CCDC68: variants seen among roughly 807,000 people sequenced by gnomAD.
CCDC68 encodes the protein coiled-coil domain-containing protein 68.
Under a neutral mutation model 47.1 loss-of-function variants are expected in CCDC68, and 45 were observed. The ratio of observed to expected loss-of-function variants is 0.96; its 90% CI spans 0.75 to 1.23. The LOEUF (loss-of-function observed/expected upper bound fraction) is 1.23. Ranked by LOEUF, CCDC68 falls within the 50% of genes most tolerant of loss-of-function variation. CCDC68 has a pLI of 0.00. For missense variants in CCDC68, 353 were observed against 373.6 expected (o/e 0.94, Z 0.45); for synonymous variants, 131 against 129.5 (o/e 1.01, Z -0.08).
At chr18:54,950,129 C>T (rs908147162) in intron 1 of CCDC68, among the ~76,000 whole-genome samples, 2 of 152,204 alleles carry the variant, frequency 1.3e-5, no homozygotes, top group African/African-American at 2.4e-5. Context: ...GAGTCAATTA[C>T]TCTGGATTGC....
chr18:54,921,445 A>G (rs2044058766), intron 8 of CCDC68, among the ~76,000 whole-genome samples: 1 of 152,248 alleles, frequency 6.6e-6, no homozygotes, highest in African/African-American at 2.4e-5. Context: ...ATTACAAAAG[A>G]AATTATTGTA....
chr18:54,925,887 G>A (rs2044136065), intron 8 of CCDC68, among the ~76,000 whole-genome samples: 1 of 152,150 alleles, frequency 6.6e-6, no homozygotes, highest in African/African-American at 2.4e-5. Flanking sequence ...GAATCAGCTT[G>A]GATGTAGGTG....
At chr18:54,931,038 G>GT (rs2044250048) in intron 7 of CCDC68, among the ~76,000 whole-genome samples, 2 of 151,850 alleles carry the variant, frequency 1.3e-5, no homozygotes, top group African/African-American at 4.8e-5. Flanking sequence ...TCTTACAAGC[G>GT]TATGATAAGG....
At chr18:54,926,199 T>C (rs2145471454) in intron 8 of CCDC68, among the ~76,000 whole-genome samples, 1 of 152,314 alleles carries the variant, frequency 6.6e-6, no homozygotes, top group Non-Finnish European at 1.5e-5. Flanking sequence ...CTCATGCTGC[T>C]ATGAAAACAT....
intron 8 of CCDC68, among the ~76,000 whole-genome samples, chr18:54,920,783 T>G (rs1250408448): frequency 6.6e-6 from 1 of 152,218 alleles, no homozygotes; most frequent in Non-Finnish European, 1.5e-5. Context: ...GAAAGCAGTT[T>G]GGACATTTCT....
intron 7 of CCDC68, among the ~76,000 whole-genome samples, chr18:54,929,583 G>T (rs2044209001): frequency 6.6e-6 from 1 of 152,162 alleles, no homozygotes; most frequent in Admixed American, 6.5e-5. Flanking sequence ...AAAGGAATTT[G>T]GTGCTTTGGC....
At position 54,936,953 on chromosome 18, in the gene CCDC68, T is replaced by C. The variant is rs747757528; in HGVS notation, c.351A>G (p.Gln117=). ...CTGCTGCTCCTGCTTCTCTGGAGGCTTGCAGCTAGAAAAAAGGTCACTATG... is the reference window on the plus strand; with the variant it reads ...CTGCTGCTCCTGCTTCTCTGGAGGCCTGCAGCTAGAAAAAAGGTCACTATG... ...KENEVLKIKL[Q]ASREAGAAAL... Residue 117 remains glutamine (Q), a synonymous_variant, in exon 6 of 12, where the codon CAA becomes CAG. Transcript: ENST00000591504. The C allele has an allele frequency of 4.3e-6, 7 of 1,614,120 alleles. No homozygotes were observed. The highest frequency in any genetic ancestry group is 5.1e-6 in the Non-Finnish European group (6 of 1,180,002).
Position 54,928,882 on chromosome 18 carries a change from C to G in CCDC68, c.601G>C (p.Glu201Gln). 1 of 1,591,942 alleles carries G rather than the reference C, an allele frequency of 6.3e-7. No homozygotes were observed. The highest frequency in any genetic ancestry group is 8.6e-7 in the Non-Finnish European group (1 of 1,160,498). ...TTTCTTTCTAGTAGTGTTCTCTTTT[C>G]CTAGGAGAAAATAAGATACAAATTT... ...LENLVQRMEK[E>Q]KRTLLERKLS... The change falls in exon 8 of 12, where the codon GAA becomes CAA. Residue 201 changes from glutamate to glutamine, a missense_variant and splice_region_variant. Coordinates refer to ENST00000591504, the MANE Select transcript of CCDC68 (RefSeq NM_025214.3).
chr18:54,907,038 A>C (rs1449152283), intron 11 of CCDC68, among the ~76,000 whole-genome samples: 3 of 152,222 alleles, frequency 2.0e-5, no homozygotes, highest in African/African-American at 7.2e-5. Context: ...TCTTCCCTAG[A>C]GGGACTAGCT....
At chr18:54,930,165 C>A (rs1388156425) in intron 7 of CCDC68, among the ~76,000 whole-genome samples, 2 of 152,030 alleles carry the variant, frequency 1.3e-5, no homozygotes, top group African/African-American at 4.8e-5. Flanking sequence ...TTCACTTTTT[C>A]TCCAAAATGC....
intron 3 of CCDC68, among the ~76,000 whole-genome samples, chr18:54,941,778 C>T (rs991879007): frequency 4.6e-5 from 7 of 152,108 alleles, no homozygotes; most frequent in Admixed American, 4.6e-4. Flanking sequence ...TTATACTCTA[C>T]AACATTATTT....
intron 7 of CCDC68, among the ~76,000 whole-genome samples, chr18:54,930,149 C>T (rs1349039232): frequency 6.6e-6 from 1 of 152,150 alleles, no homozygotes; most frequent in Non-Finnish European, 1.5e-5. Context: ...TACTCCTATA[C>T]TATTTTTCAC....
intron 1 of CCDC68, among the ~76,000 whole-genome samples, chr18:54,945,866 A>T (rs1002505234): frequency 1.3e-5 from 2 of 152,194 alleles, no homozygotes; most frequent in Non-Finnish European, 2.9e-5. Flanking sequence ...TTGAAGTAAG[A>T]GAAACACCCA....
intron 6 of CCDC68, among the ~76,000 whole-genome samples, chr18:54,936,184 A>C (rs1410792457): frequency 6.9e-6 from 1 of 145,196 alleles, no homozygotes. Flanking sequence ...AATTATATAG[A>C]TAAATATATA....
chr18:54,926,200 A>G (rs969915192), intron 8 of CCDC68, among the ~76,000 whole-genome samples: 12 of 152,344 alleles, frequency 7.9e-5, no homozygotes, highest in South Asian at 4.1e-4. Context: ...TCATGCTGCT[A>G]TGAAAACATA....
chr18:54,915,392 A>C (rs1228209732), intron 10 of CCDC68, among the ~76,000 whole-genome samples: 4 of 152,244 alleles, frequency 2.6e-5, no homozygotes, highest in African/African-American at 9.6e-5. Context: ...AGTGATGTGG[A>C]AAAATGAATG....
In CCDC68 at chr18:54,903,123, A is replaced by G. The variant is rs552439796; in HGVS notation, c.*1235T>C. The G allele has an allele frequency of 5.5e-4, 84 of 152,326 alleles. 1 individual carries two copies. The highest frequency in any genetic ancestry group is 1.9e-3 in the African/African-American group (81 of 41,574). The allele number at this position is 152,326 out of a possible 1,614,324, so 9.4% of individuals were successfully genotyped here. ...GATAAATTTATAAATACATTACATC[A>G]TCTCATTTTTATATACCTTCAAATA... On this transcript the variant is annotated 3_prime_UTR_variant, in exon 12 of 12. Transcript: ENST00000591504.
chr18:54,956,995 G>A (rs1265111424), intron 1 of CCDC68, among the ~76,000 whole-genome samples: 1 of 152,082 alleles, frequency 6.6e-6, no homozygotes, highest in Non-Finnish European at 1.5e-5. Flanking sequence ...TGGGGGTGGG[G>A]TGAATGTAAC....
chr18:54,937,692 A>G, intron 5 of CCDC68: 1 of 298,514 alleles, frequency 3.3e-6, no homozygotes, highest in Non-Finnish European at 6.3e-6. Context: ...GTAGATTTCT[A>G]GAACTTATTC....
Sources: gnomAD v4.1 joint callset for allele counts (sites outside exome capture counted in the v4.1 genomes callset) on GRCh38, gnomAD v4.1.1 for gene constraint, MANE v1.5 for transcripts, NCBI Gene and HGNC (gene_info 2026-07-23, HGNC 2026-07-21) for gene names.